The following MIPOL1 variants were observed in gnomAD, a reference collection of about 807,000 sequenced individuals.
MIPOL1 encodes mirror-image polydactyly gene 1 protein.
MIPOL1 carries 57 observed loss-of-function variants against 60.9 expected under a neutral mutation model. The ratio of observed to expected loss-of-function variants is 0.94; its 90% CI spans 0.76 to 1.17. The LOEUF (loss-of-function observed/expected upper bound fraction) is 1.17. Ranked by LOEUF, MIPOL1 falls within the 50% of genes most tolerant of loss-of-function variation. The probability of loss-of-function intolerance (pLI) is 0.00; values close to 1 mark genes in which losing one functional copy is unlikely to be tolerated. For missense variants in MIPOL1, 551 were observed against 511.6 expected (o/e 1.08, Z -0.74); for synonymous variants, 179 against 168.8 (o/e 1.06, Z -0.47).
intron 9 of MIPOL1, among the ~76,000 whole-genome samples, chr14:37,317,749 C>T (rs917509266): frequency 5.9e-5 from 9 of 151,966 alleles, no homozygotes; most frequent in East Asian, 1.9e-4. Flanking sequence ...ATAAAGATTT[C>T]GAATATAGCA....
At chr14:37,320,900 CTTA>C (rs2088513381) in intron 9 of MIPOL1, among the ~76,000 whole-genome samples, 1 of 151,986 alleles carries the variant, frequency 6.6e-6, no homozygotes, top group Non-Finnish European at 1.5e-5. Context: ...CATGTAATGA[CTTA>C]GGTTATTGTG....
chr14:37,454,926 T>C (rs759988920), intron 11 of MIPOL1, among the ~76,000 whole-genome samples: 2 of 152,206 alleles, frequency 1.3e-5, no homozygotes, highest in Admixed American at 6.5e-5. Context: ...AACCATCTTA[T>C]AGGAATTTTT....
intron 6 of MIPOL1, among the ~76,000 whole-genome samples, chr14:37,281,002 T>C (rs1338181489): frequency 1.3e-5 from 2 of 152,232 alleles, no homozygotes; most frequent in African/African-American, 4.8e-5. Flanking sequence ...GTGCAGACGC[T>C]TTTTAATTTG....
At chr14:37,208,095 T>G (rs1041827469) in intron 1 of MIPOL1, among the ~76,000 whole-genome samples, 1 of 152,222 alleles carries the variant, frequency 6.6e-6, no homozygotes, top group Non-Finnish European at 1.5e-5. Context: ...ATTGGCTGCA[T>G]TGAAAGCATT....
At chr14:37,298,696 A>T (rs917801866) in intron 7 of MIPOL1, among the ~76,000 whole-genome samples, 3 of 152,190 alleles carry the variant, frequency 2.0e-5, no homozygotes, top group Non-Finnish European at 4.4e-5. Context: ...CACATGAAAA[A>T]ATGCTCATCA....
chr14:37,344,828 G>A (rs145284970), intron 9 of MIPOL1, among the ~76,000 whole-genome samples: 1 of 152,048 alleles, frequency 6.6e-6, no homozygotes, highest in East Asian at 1.9e-4. Flanking sequence ...CTAGTAGTTC[G>A]AGAACCAGCT....
At position 37,216,151 on chromosome 14, in the gene MIPOL1, C is replaced by G. The variant is rs186131165; in HGVS notation, c.-199+18047C>G. On this transcript the variant is annotated intron_variant, in intron 1 of 12. Transcript: ENST00000684589. ...CCAGAAAGGAGCTAGTTATATCAGGCAAAATAGATTTCAAGACAAAAACTA... is the reference window on the plus strand; with the variant it reads ...CCAGAAAGGAGCTAGTTATATCAGGGAAAATAGATTTCAAGACAAAAACTA... 6.5e-4 allele frequency among the ~76,000 whole-genome samples: 98 copies of G among 151,080 alleles called. No individual in the cohort carries two copies. In the Middle Eastern group the frequency reaches 0.01, roughly 16 times the overall value.
At chr14:37,385,616 T>G (rs972996727) in intron 10 of MIPOL1, 6 of 152,082 alleles carry the variant, frequency 3.9e-5, no homozygotes, top group African/African-American at 1.4e-4. Context: ...AGCATTTGGT[T>G]CTTCTATTTT....
intron 10 of MIPOL1, chr14:37,400,719 T>G (rs2093465745): frequency 1.3e-5 from 2 of 152,150 alleles, no homozygotes; most frequent in African/African-American, 4.8e-5. Flanking sequence ...GGGAAGAAAC[T>G]ACCCCTTGTC....
chr14:37,381,645 C>T (rs768686839), intron 10 of MIPOL1, among the ~76,000 whole-genome samples: 1 of 151,564 alleles, frequency 6.6e-6, no homozygotes, highest in Non-Finnish European at 1.5e-5. Context: ...TGCAGTGGTA[C>T]AGTTGTAGCT....
intron 1 of MIPOL1, among the ~76,000 whole-genome samples, chr14:37,210,842 T>C (rs1040567565): frequency 2.0e-5 from 3 of 152,164 alleles, no homozygotes; most frequent in Non-Finnish European, 2.9e-5. Context: ...AGAATTTAGG[T>C]CTCTCCTATA....
chr14:37,422,379 C>A (rs948448913), intron 10 of MIPOL1, among the ~76,000 whole-genome samples: 4 of 151,618 alleles, frequency 2.6e-5, no homozygotes, highest in Non-Finnish European at 4.4e-5. Flanking sequence ...GTATTTTTTT[C>A]ACATTCAATA....
At chr14:37,503,383 G>C (rs78646554) in intron 12 of MIPOL1, 2 of 151,780 alleles carry the variant, frequency 1.3e-5, no homozygotes, top group Non-Finnish European at 2.9e-5. Flanking sequence ...ACCCAGAAAG[G>C]GAAGCTGACT....
rs556596618 is a variant in MIPOL1, at chr14:37,324,808, T to C, written c.828+16289T>C. Among the ~76,000 whole-genome samples the C allele has an allele frequency of 2.0e-5, 3 of 152,192 alleles. No homozygotes were observed. The East Asian group carries it at 5.8e-4, about 29-fold the overall frequency. ...AGCATTATTTGTTGAGAGATGATTTTCCCCCATTAAGTGGCTTTCATGCCA... is the reference window on the plus strand; with the variant it reads ...AGCATTATTTGTTGAGAGATGATTTCCCCCCATTAAGTGGCTTTCATGCCA... On this transcript the variant is annotated intron_variant, in intron 9 of 12. Transcript: ENST00000684589.
At chr14:37,213,349 G>T (rs552553670) in intron 1 of MIPOL1, among the ~76,000 whole-genome samples, 3 of 152,156 alleles carry the variant, frequency 2.0e-5, no homozygotes, top group Admixed American at 6.5e-5. Flanking sequence ...AATTCTGTCA[G>T]ATACATTTAA....
intron 9 of MIPOL1, among the ~76,000 whole-genome samples, chr14:37,329,054 T>G (rs981438075): frequency 2.0e-5 from 3 of 150,486 alleles, no homozygotes; most frequent in East Asian, 1.9e-4. Context: ...TTATACTTTG[T>G]TTTTTTTTAT....
chr14:37,489,952 T>A (rs574932285), intron 11 of MIPOL1, among the ~76,000 whole-genome samples: 7 of 152,300 alleles, frequency 4.6e-5, no homozygotes, highest in Admixed American at 2.0e-4. Flanking sequence ...GAGGAGGCAG[T>A]CTGACCCTTA....
chr14:37,343,536 A>G (rs1283986561), intron 9 of MIPOL1, among the ~76,000 whole-genome samples: 1 of 152,218 alleles, frequency 6.6e-6, no homozygotes, highest in Non-Finnish European at 1.5e-5. Flanking sequence ...AAAGAGTTGT[A>G]TCACATCCAA....
intron 3 of MIPOL1, among the ~76,000 whole-genome samples, chr14:37,257,076 TG>T: frequency 6.9e-6 from 1 of 144,786 alleles, no homozygotes; most frequent in Non-Finnish European, 1.5e-5. Context: ...TTTTGTTTTT[TG>T]GGTTTTTTGG....
Sources: gnomAD v4.1 joint callset for allele counts (sites outside exome capture counted in the v4.1 genomes callset) on GRCh38, gnomAD v4.1.1 for gene constraint, MANE v1.5 for transcripts, NCBI Gene and HGNC (gene_info 2026-07-23, HGNC 2026-07-21) for gene names.